Variants in C17orf75 observed in about 807,000 individuals in gnomAD.
The protein encoded by C17orf75 is protein Njmu-R1.
A neutral mutation model predicts 49.6 loss-of-function variants in C17orf75; 32 were observed. The ratio of observed to expected loss-of-function variants is 0.65; its 90% CI spans 0.49 to 0.87. The LOEUF (loss-of-function observed/expected upper bound fraction) is 0.87, where lower values mean the gene tolerates loss of function less well. Among genes scored for constraint, C17orf75 ranks in the 40% least tolerant of loss-of-function variants. The probability of loss-of-function intolerance (pLI) is 0.00; values close to 1 mark genes in which losing one functional copy is unlikely to be tolerated. For missense variants in C17orf75, 428 were observed against 473.9 expected (o/e 0.90, Z 0.90); for synonymous variants, 158 against 159.5 (o/e 0.99, Z 0.07).
rs2041307165 is a variant in C17orf75, at chr17:32,334,526, G to A, written c.814C>T (p.Gln272Ter). The A allele has an allele frequency of 6.2e-7, 1 of 1,612,380 alleles. No homozygotes were observed. Among genetic ancestry groups the A allele is most frequent in the East Asian group, 2.2e-5 (1 of 44,880 alleles). The change falls in exon 8 of 10, where the codon CAG (glutamine) becomes TAG (stop). Residue 272 changes from glutamine to a stop codon, truncating the protein, a stop_gained. Transcript: ENST00000577809. LOFTEE classifies it high-confidence loss of function. ...TSLCMAMTEE[Q>*]HKSVVIDCSS... The stretch of plus-strand genomic sequence containing the variant: ...CAATCGATGACCACAGACTTATGCT[G>A]CTCCTCTGTCATGGCCATGCACAAA...
In C17orf75 at chr17:32,329,605, C is replaced by T. The variant is rs981198892; in HGVS notation, c.*2158G>A. On this transcript the variant is annotated 3_prime_UTR_variant, in exon 10 of 10. Coordinates refer to ENST00000577809, the MANE Select transcript of C17orf75 (RefSeq NM_022344.4). The stretch of plus-strand genomic sequence containing the variant: ...CCACACAGAGAATATGTAATTACAC[C>T]TTGCCTATATCCATAAATGATTTGA... 4 of 151,902 alleles carry T rather than the reference C, an allele frequency of 2.6e-5. No homozygotes were observed. The highest frequency in any genetic ancestry group is 9.7e-5 in the African/African-American group (4 of 41,334). The allele number at this position is 151,902 out of a possible 1,614,324, so 9.4% of individuals were successfully genotyped here.
At chr17:32,342,340 T>TA, upstream of C17orf75, 1 of 772,334 alleles carries the variant, frequency 1.3e-6, no homozygotes, top group South Asian at 3.1e-5. Flanking sequence ...AGTTCGCCTT[T>TA]ACTGACAAGC....
intron 1 of C17orf75, among the ~76,000 whole-genome samples, chr17:32,348,367 A>G (rs1324835734): frequency 2.0e-5 from 3 of 151,872 alleles, no homozygotes; most frequent in Non-Finnish European, 2.9e-5. Context: ...CTCCACACAT[A>G]CTTTGTGTTT....
upstream of C17orf75, among the ~76,000 whole-genome samples, chr17:32,342,485 C>T (rs1307417159): frequency 6.6e-6 from 1 of 152,250 alleles, no homozygotes; most frequent in African/African-American, 2.4e-5. Flanking sequence ...CGTGCCAGCA[C>T]GCACAGACAC....
chr17:32,347,483 T>C (rs752551732), intron 1 of C17orf75, among the ~76,000 whole-genome samples: 16 of 152,236 alleles, frequency 1.1e-4, no homozygotes, highest in Admixed American at 3.3e-4. Context: ...GGTTTCATCA[T>C]GTTGGCCAGG....
chr17:32,338,405 A>T lies in C17orf75; in HGVS notation c.348-54T>A, dbSNP rs2041346742. On this transcript the variant is annotated intron_variant, in intron 3 of 9. Coordinates refer to ENST00000577809, the MANE Select transcript of C17orf75 (RefSeq NM_022344.4). ...TTATTTTGGTTACTCATGCATCTAT[A>T]ATTTTGTGGACTGCTCTGAATTCTG... 7.2e-6 allele frequency: 11 copies of T among 1,533,474 alleles called. No homozygotes were observed. In the South Asian group the frequency reaches 1.3e-4, roughly 19 times the overall value. 95.0% of individuals were successfully genotyped at this position (1,533,474 alleles called of 1,614,324 possible).
At chr17:32,336,370 T>C (rs559396071) in intron 5 of C17orf75, among the ~76,000 whole-genome samples, 2 of 152,186 alleles carry the variant, frequency 1.3e-5, no homozygotes, top group Non-Finnish European at 2.9e-5. Context: ...CGTGCCACCA[T>C]GCCTGGCTAA....
chr17:32,334,809 C>A lies in C17orf75; in HGVS notation c.700G>T (p.Glu234Ter). ...TCTCTCTTTGTTTTTTCATCTGATTCTTTAACTTCAACAGGAGTGTAACTC... is the reference window on the plus strand; with the variant it reads ...TCTCTCTTTGTTTTTTCATCTGATTATTTAACTTCAACAGGAGTGTAACTC... ...ALSYTPVEVK[E>*]SDEKTKRDIN... Residue 234 changes from glutamate to a stop codon, truncating the protein, a stop_gained, in exon 7 of 10, where the codon GAA becomes TAA. Transcript: ENST00000577809. LOFTEE classifies it high-confidence loss of function. The A allele has an allele frequency of 1.2e-6, 2 of 1,609,730 alleles. No homozygotes were observed. Among genetic ancestry groups the A allele is most frequent in the Non-Finnish European group, 1.7e-6 (2 of 1,177,770 alleles).
chr17:32,333,372 A>C (rs2150774010), intron 9 of C17orf75, 45 bp downstream of exon 9: 1 of 1,414,046 alleles, frequency 7.1e-7, no homozygotes, highest in Non-Finnish European at 9.9e-7. Flanking sequence ...ATTAAAATTC[A>C]GACAAAAATT....
chr17:32,342,806 T>G (rs970082629), upstream of C17orf75, among the ~76,000 whole-genome samples: 20 of 152,102 alleles, frequency 1.3e-4, no homozygotes, highest in African/African-American at 4.8e-4. Context: ...CGTGTGGTGG[T>G]TCACGCCTGT....
chr17:32,341,124 G>A, intron 2 of C17orf75, 80 bp downstream of exon 2: 1 of 1,390,620 alleles, frequency 7.2e-7, no homozygotes, highest in Non-Finnish European at 1.0e-6. Context: ...AGTGGAAATA[G>A]AGTATCCACT....
exon 1 of C17orf75, chr17:32,349,972 C>A (rs991554581): frequency 1.7e-6 from 2 of 1,199,338 alleles, no homozygotes; most frequent in East Asian, 4.6e-5. Context: ...CAAATGAAAC[C>A]CAAAGTGCTC....
upstream of C17orf75, among the ~76,000 whole-genome samples, chr17:32,342,704 C>T (rs140254200): frequency 2.0e-5 from 3 of 152,260 alleles, no homozygotes; most frequent in Non-Finnish European, 2.9e-5. Flanking sequence ...GGGAGACCGA[C>T]GCAGGCGGAT....
At chr17:32,341,166 G>T (rs762171486) in intron 2 of C17orf75, 38 bp downstream of exon 2, 5 of 1,599,706 alleles carry the variant, frequency 3.1e-6, no homozygotes, top group Non-Finnish European at 3.4e-6. Flanking sequence ...CAGGGAAGAT[G>T]AAAGCACATG....
Position 32,341,256 on chromosome 17 carries a change from CCTCA to C in C17orf75, c.165_168del (p.Ser55ArgfsTer60). On this transcript the variant is annotated frameshift_variant, in exon 2 of 10. Coordinates refer to ENST00000577809, the MANE Select transcript of C17orf75 (RefSeq NM_022344.4). LOFTEE classifies it high-confidence loss of function. Reference sequence around the variant, plus strand: ...GCATTTGTGCCACTTGGGCTTCCGTCCTCACTGTCCCCTCGTTGCTGTGCCAATC... The same window carrying C: ...GCATTTGTGCCACTTGGGCTTCCGTCCTGTCCCCTCGTTGCTGTGCCAATC... The C allele has an allele frequency of 6.2e-7, 1 of 1,614,010 alleles. No individual in the cohort carries two copies. Among genetic ancestry groups the C allele is most frequent in the Non-Finnish European group, 8.5e-7 (1 of 1,179,906 alleles).
chr17:32,338,448 A>G, intron 3 of C17orf75, 97 bp from the exon 4 acceptor site: 1 of 1,178,428 alleles, frequency 8.5e-7, no homozygotes, highest in Non-Finnish European at 1.2e-6. Context: ...TGATCTGGCA[A>G]CACCATTAAA....
At chr17:32,341,787 T>C (rs2041381797) in intron 1 of C17orf75, 1 of 1,048,732 alleles carries the variant, frequency 9.5e-7, no homozygotes, top group Non-Finnish European at 1.1e-6. Flanking sequence ...CAGGCATGGT[T>C]GGGCCAGGCA....
Position 32,334,522 on chromosome 17 carries a change from T to C in C17orf75, c.818A>G (p.His273Arg). Residue 273 changes from histidine to arginine, a missense_variant, in exon 8 of 10, where the codon CAT becomes CGT. Transcript: ENST00000577809. ...GCTGCAATCGATGACCACAGACTTA[T>C]GCTGCTCCTCTGTCATGGCCATGCA... ...SLCMAMTEEQ[H>R]KSVVIDCSSS... The C allele has an allele frequency of 6.2e-7, 1 of 1,612,616 alleles. No individual in the cohort carries two copies. The highest frequency in any genetic ancestry group is 8.5e-7 in the Non-Finnish European group (1 of 1,179,450).
At chr17:32,342,336 C>A, upstream of C17orf75, 1 of 806,046 alleles carries the variant, frequency 1.2e-6, no homozygotes. Context: ...ACTGAGTTCG[C>A]CTTTACTGAC....
Sources: gnomAD v4.1 joint callset for allele counts (sites outside exome capture counted in the v4.1 genomes callset) on GRCh38, gnomAD v4.1.1 for gene constraint, MANE v1.5 for transcripts, NCBI Gene and HGNC (gene_info 2026-07-23, HGNC 2026-07-21) for gene names.